The following LINGO2 variants were observed in gnomAD, a reference collection of about 807,000 sequenced individuals.
LINGO2 encodes the protein leucine-rich repeat and immunoglobulin-like domain-containing nogo receptor-interacting protein 2.
Under a neutral mutation model 30.6 loss-of-function variants are expected in LINGO2, and 14 were observed. That is an observed-to-expected ratio of 0.46 (90% CI 0.30 to 0.72). The LOEUF is 0.72. LINGO2 is among the 30% of genes least tolerant of loss of function. LINGO2 has a pLI of 0.07. For missense variants in LINGO2, 729 were observed against 751.7 expected, an observed-to-expected ratio of 0.97 and a Z score of 0.35; for synonymous variants, 317 against 288.5, an observed-to-expected ratio of 1.10 and a Z score of -1.00.
the LINGO2 span, among the ~76,000 whole-genome samples, chr9:29,129,696 T>A: frequency 6.6e-6 from 1 of 152,054 alleles, no homozygotes; most frequent in Non-Finnish European, 1.5e-5. Flanking sequence ...TAAGTCAAAT[T>A]ATGGACTTTA....
At position 28,568,534 on chromosome 9, in the gene LINGO2, C is replaced by T. The variant is rs1018114731; in HGVS notation, c.-364-92509G>A. 2.0e-5 allele frequency among the ~76,000 whole-genome samples: 3 copies of T among 151,918 alleles called. 1 individual carries two copies. The highest frequency in any genetic ancestry group is 6.6e-5 in the Admixed American group (1 of 15,246). ...AGTTTCAACCCAAAGGGAACTTCAC[C>T]AAGACACTTTATAATGAAATTGTCA... On this transcript the variant is annotated intron_variant, in intron 1 of 5. Transcript: ENST00000379992.
the LINGO2 span, among the ~76,000 whole-genome samples, chr9:29,029,391 A>G: frequency 3.9e-4 from 59 of 152,330 alleles, no homozygotes; most frequent in African/African-American, 1.3e-3. Flanking sequence ...CAGTAAGTAT[A>G]GTTATGCTAA....
Position 28,660,071 on chromosome 9 carries a change from C to A in LINGO2, c.-365+10129G>T, listed in dbSNP as rs187275449. Among the ~76,000 whole-genome samples the A allele has an allele frequency of 1.7e-3, 261 of 152,122 alleles. 4 individuals are homozygous for A. The highest frequency in any genetic ancestry group is 3.4e-4 in the Non-Finnish European group (23 of 67,982). On this transcript the variant is annotated intron_variant, in intron 1 of 5. Transcript: ENST00000379992. ...GTATATTAAACAAAAATGAAGTTGT[C>A]ATCGGGATTAAAAACTGTAATGGAA...
intron 5 of LINGO2, among the ~76,000 whole-genome samples, chr9:27,990,771 T>A (rs1253633577): frequency 1.3e-5 from 2 of 152,042 alleles, no homozygotes; most frequent in African/African-American, 4.8e-5. Context: ...CACTCTGATA[T>A]ACTACATCAT....
At chr9:28,042,058 G>T (rs1381938456) in intron 4 of LINGO2, among the ~76,000 whole-genome samples, 1 of 152,096 alleles carries the variant, frequency 6.6e-6, no homozygotes, top group Non-Finnish European at 1.5e-5. Flanking sequence ...AAAATGGGGA[G>T]AATAAAATTT....
the LINGO2 span, among the ~76,000 whole-genome samples, chr9:29,099,201 C>A: frequency 6.6e-6 from 1 of 152,108 alleles, no homozygotes; most frequent in African/African-American, 2.4e-5. Flanking sequence ...AAATTAGACC[C>A]CTATATCTCT....
At chr9:28,558,054 A>G (rs1471841694) in intron 1 of LINGO2, among the ~76,000 whole-genome samples, 1 of 149,590 alleles carries the variant, frequency 6.7e-6, no homozygotes, top group African/African-American at 2.5e-5. Flanking sequence ...CTAGATGACG[A>G]GTTAGTGGGT....
chr9:28,604,889 T>C (rs1180650547), intron 1 of LINGO2, among the ~76,000 whole-genome samples: 1 of 152,058 alleles, frequency 6.6e-6, no homozygotes, highest in Non-Finnish European at 1.5e-5. Context: ...TTTCTACATG[T>C]GCAAGACACT....
chr9:29,129,628 G>C, the LINGO2 span, among the ~76,000 whole-genome samples: 1 of 152,076 alleles, frequency 6.6e-6, no homozygotes, highest in African/African-American at 2.4e-5. Context: ...TGCCAAAAAA[G>C]ATGAGTGATT....
chr9:28,277,231 T>C (rs1823146968), intron 4 of LINGO2, among the ~76,000 whole-genome samples: 1 of 152,216 alleles, frequency 6.6e-6, no homozygotes, highest in Non-Finnish European at 1.5e-5. Context: ...ATTGTTAATA[T>C]ATCTGTAACA....
chr9:28,742,879 T>C, the LINGO2 span, among the ~76,000 whole-genome samples: 3 of 152,008 alleles, frequency 2.0e-5, no homozygotes, highest in African/African-American at 7.3e-5. Flanking sequence ...TATACTTATA[T>C]TTGTTATAGG....
chr9:29,140,617 A>AT, the LINGO2 span, among the ~76,000 whole-genome samples: 36,929 of 151,758 alleles, frequency 0.24, 4,670 homozygotes, highest in East Asian at 0.44. Flanking sequence ...ATATAAATAA[A>AT]AATGGGCAAA....
chr9:28,559,821 A>C (rs988843607), intron 1 of LINGO2, among the ~76,000 whole-genome samples: 4 of 151,972 alleles, frequency 2.6e-5, no homozygotes, highest in Non-Finnish European at 5.9e-5. Flanking sequence ...GATGTTTTTC[A>C]TTTCAAGAAA....
At chr9:28,966,794 T>C in the LINGO2 span, among the ~76,000 whole-genome samples, 1 of 151,956 alleles carries the variant, frequency 6.6e-6, no homozygotes, top group Non-Finnish European at 1.5e-5. Flanking sequence ...TCAGGAAGAG[T>C]TCTTTAAACA....
chr9:28,400,623 C>A (rs1180574659), intron 2 of LINGO2, among the ~76,000 whole-genome samples: 1 of 152,150 alleles, frequency 6.6e-6, no homozygotes, highest in Non-Finnish European at 1.5e-5. Context: ...ATATTCTATG[C>A]ATAGTGTTTT....
chr9:27,966,931 CTGT>C (rs946510275), intron 5 of LINGO2, among the ~76,000 whole-genome samples: 24 of 152,190 alleles, frequency 1.6e-4, no homozygotes, highest in African/African-American at 5.5e-4. Flanking sequence ...GAGAAGAATT[CTGT>C]TAAGTAGTTT....
chr9:28,475,767 TG>T (rs1165270113), intron 2 of LINGO2, among the ~76,000 whole-genome samples, 172 bp downstream of exon 4: 3 of 152,184 alleles, frequency 2.0e-5, no homozygotes, highest in Non-Finnish European at 4.4e-5. Context: ...TAAAAAAATG[TG>T]GTCAAGTTTC....
intron 4 of LINGO2, among the ~76,000 whole-genome samples, chr9:28,048,315 T>TA (rs1256081476): frequency 6.6e-6 from 1 of 151,030 alleles, no homozygotes; most frequent in Admixed American, 6.6e-5. Flanking sequence ...ACATTGTAAT[T>TA]AAATTTTTTG....
intron 2 of LINGO2, among the ~76,000 whole-genome samples, chr9:28,447,532 A>G (rs2135052538): frequency 6.6e-6 from 1 of 152,316 alleles, no homozygotes; most frequent in East Asian, 1.9e-4. Flanking sequence ...ATAGCAGCCC[A>G]GGTGGACTAA....
Sources: gnomAD v4.1 joint callset for allele counts (sites outside exome capture counted in the v4.1 genomes callset) on GRCh38, gnomAD v4.1.1 for gene constraint, MANE v1.5 for transcripts, NCBI Gene and HGNC (gene_info 2026-07-23, HGNC 2026-07-21) for gene names.